LINGO2: variants seen among roughly 807,000 people sequenced by gnomAD.
The protein encoded by LINGO2 is leucine-rich repeat and immunoglobulin-like domain-containing nogo receptor-interacting protein 2.
LINGO2 carries 14 observed loss-of-function variants against 30.6 expected under a neutral mutation model. That is an observed-to-expected ratio of 0.46 (90% CI 0.30 to 0.72). LINGO2 has a LOEUF of 0.72. LINGO2 is among the 30% of genes least tolerant of loss of function. The pLI, the probability that LINGO2 is intolerant of heterozygous loss-of-function variation, is 0.07. For missense variants in LINGO2, 729 were observed against 751.7 expected, an observed-to-expected ratio of 0.97 and a Z score of 0.35; for synonymous variants, 317 against 288.5, an observed-to-expected ratio of 1.10 and a Z score of -1.00.
the LINGO2 span, among the ~76,000 whole-genome samples, chr9:29,081,250 T>A: frequency 1.3e-5 from 2 of 152,060 alleles, no homozygotes; most frequent in African/African-American, 4.8e-5. Flanking sequence ...GCTTCATCCA[T>A]CCCTGGGACT....
At chr9:28,388,857 T>A (rs1821707711) in intron 2 of LINGO2, among the ~76,000 whole-genome samples, 1 of 152,150 alleles carries the variant, frequency 6.6e-6, no homozygotes, top group Non-Finnish European at 1.5e-5. Flanking sequence ...CTTCACCAAC[T>A]GTAAATATTT....
At chr9:29,005,854 T>A in the LINGO2 span, among the ~76,000 whole-genome samples, 277 of 152,178 alleles carry the variant, frequency 1.8e-3, 1 homozygote, top group African/African-American at 6.3e-3. Context: ...TTATTCTGCA[T>A]TGGTTTTTAA....
intron 4 of LINGO2, among the ~76,000 whole-genome samples, chr9:28,213,081 T>A (rs139718861): frequency 2.0e-5 from 3 of 151,666 alleles, no homozygotes; most frequent in Non-Finnish European, 4.4e-5. Flanking sequence ...TTTTGCCCTG[T>A]GCAATGACAT....
rs188349146 is a variant in LINGO2, at chr9:28,161,286, T to A, written c.-87+133922A>T. Among the ~76,000 whole-genome samples the A allele has an allele frequency of 2.6e-4, 39 of 152,214 alleles. No homozygotes were observed. In the East Asian group the frequency reaches 7.1e-3, roughly 28 times the overall value. ...GAAAAAGCAGGGGGGCAGTAGGAGA[T>A]AAAGATATTTGGATGTATAATGCCA... On this transcript the variant is annotated intron_variant, in intron 4 of 5. Coordinates refer to ENST00000379992, the Ensembl canonical transcript of LINGO2.
At chr9:27,990,498 C>A (rs1237568594) in intron 5 of LINGO2, among the ~76,000 whole-genome samples, 1 of 134,196 alleles carries the variant, frequency 7.5e-6, no homozygotes, top group Non-Finnish European at 1.6e-5. Flanking sequence ...CAGTAGTGAA[C>A]TTTACCCATC....
intron 2 of LINGO2, among the ~76,000 whole-genome samples, chr9:28,443,555 C>T (rs868179085): frequency 1.3e-5 from 2 of 152,224 alleles, no homozygotes; most frequent in Admixed American, 1.3e-4. Context: ...CTGGCCTCTC[C>T]CCACTTCCAG....
At chr9:28,992,374 C>T in the LINGO2 span, among the ~76,000 whole-genome samples, 4 of 151,880 alleles carry the variant, frequency 2.6e-5, no homozygotes, top group Non-Finnish European at 4.4e-5. Context: ...AGCAAGTCCT[C>T]AGTGACCTAC....
intron 4 of LINGO2, among the ~76,000 whole-genome samples, chr9:28,221,298 T>TAAA (rs141151588): frequency 1.2e-5 from 1 of 83,738 alleles, no homozygotes; most frequent in African/African-American, 5.0e-5. Flanking sequence ...AGACCCCGTC[T>TAAA]AAAAAAAAAA....
At chr9:28,811,025 A>G in the LINGO2 span, among the ~76,000 whole-genome samples, 1 of 152,160 alleles carries the variant, frequency 6.6e-6, no homozygotes. Context: ...CCTTGTCACC[A>G]CATAGAAATC....
the LINGO2 span, among the ~76,000 whole-genome samples, chr9:28,815,163 G>C: frequency 5.3e-4 from 81 of 152,316 alleles, no homozygotes; most frequent in African/African-American, 1.9e-3. Context: ...ATAATAGGTT[G>C]AGAAATAAGT....
intron 5 of LINGO2, among the ~76,000 whole-genome samples, chr9:27,993,596 G>T (rs1436180629): frequency 6.6e-6 from 1 of 152,060 alleles, no homozygotes; most frequent in African/African-American, 2.4e-5. Context: ...AATCTTTCCT[G>T]TCGAAAACAA....
Position 28,626,524 on chromosome 9 carries a change from G to C in LINGO2, c.-365+43676C>G, listed in dbSNP as rs561648885. ...CTTATATCCACTTTAATTTTTGTTA[G>C]TAGTACAAATTAAAGTTTGAGGTTC... On this transcript the variant is annotated intron_variant, in intron 1 of 5. Coordinates refer to ENST00000379992, the Ensembl canonical transcript of LINGO2. Among the ~76,000 whole-genome samples, 366 of 152,082 alleles carry C rather than the reference G, an allele frequency of 2.4e-3. 2 individuals are homozygous for C. The highest frequency in any genetic ancestry group is 4.4e-3 in the Non-Finnish European group (297 of 67,932).
chr9:28,617,008 T>C (rs561542898), intron 1 of LINGO2, among the ~76,000 whole-genome samples: 1 of 152,352 alleles, frequency 6.6e-6, no homozygotes, highest in African/African-American at 2.4e-5. Context: ...GGTATTTTCC[T>C]TTCTTTATTT....
intron 4 of LINGO2, among the ~76,000 whole-genome samples, chr9:28,016,207 C>G (rs1822828264): frequency 6.6e-6 from 1 of 151,936 alleles, no homozygotes; most frequent in Admixed American, 6.6e-5. Flanking sequence ...CAAATGGGAC[C>G]TAAAATTACA....
chr9:28,155,199 C>G (rs1373812336), intron 4 of LINGO2, among the ~76,000 whole-genome samples: 3 of 152,190 alleles, frequency 2.0e-5, no homozygotes, highest in Non-Finnish European at 1.5e-5. Context: ...GAATCCAATT[C>G]TTTTATGCTT....
chr9:28,447,552 C>A (rs899544230), intron 2 of LINGO2, among the ~76,000 whole-genome samples: 1 of 152,154 alleles, frequency 6.6e-6, no homozygotes, highest in Non-Finnish European at 1.5e-5. Context: ...AGACAGCAAC[C>A]AACTGATTTT....
chr9:29,012,507 C>G, the LINGO2 span, among the ~76,000 whole-genome samples: 2 of 152,124 alleles, frequency 1.3e-5, no homozygotes, highest in African/African-American at 2.4e-5. Context: ...ACAGCAGAAC[C>G]GTTCTCACTT....
intron 4 of LINGO2, among the ~76,000 whole-genome samples, chr9:28,269,258 A>G (rs1822858452): frequency 6.6e-6 from 1 of 152,114 alleles, no homozygotes; most frequent in Admixed American, 6.5e-5. Context: ...GAGGACTGAG[A>G]TATGGATTGA....
At chr9:28,247,646 G>A (rs889502000) in intron 4 of LINGO2, among the ~76,000 whole-genome samples, 11 of 152,062 alleles carry the variant, frequency 7.2e-5, no homozygotes, top group Non-Finnish European at 1.2e-4. Context: ...GCTAATGCAT[G>A]CAGGTTTAAA....
Sources: gnomAD v4.1 joint callset for allele counts (sites outside exome capture counted in the v4.1 genomes callset) on GRCh38, gnomAD v4.1.1 for gene constraint, MANE v1.5 for transcripts, NCBI Gene and HGNC (gene_info 2026-07-23, HGNC 2026-07-21) for gene names.